LINGO2: variants seen among roughly 807,000 people sequenced by gnomAD.
LINGO2 encodes leucine-rich repeat and immunoglobulin-like domain-containing nogo receptor-interacting protein 2.
Under a neutral mutation model 30.6 loss-of-function variants are expected in LINGO2, and 14 were observed. The ratio of observed to expected loss-of-function variants is 0.46; its 90% CI spans 0.30 to 0.72. LINGO2 has a LOEUF of 0.72. LINGO2 is among the 30% of genes least tolerant of loss of function. LINGO2 has a pLI of 0.07. For synonymous variants in LINGO2, 317 were observed against 288.5 expected (o/e 1.10, Z -1.00); for missense variants, 729 against 751.7 (o/e 0.97, Z 0.35).
intron 4 of LINGO2, among the ~76,000 whole-genome samples, chr9:28,235,918 G>A (rs1821547092): frequency 1.3e-5 from 2 of 152,150 alleles, no homozygotes; most frequent in Admixed American, 1.3e-4. Context: ...TTTATTTAAA[G>A]AGATAATATC....
the LINGO2 span, among the ~76,000 whole-genome samples, chr9:29,006,728 C>T: frequency 1.3e-5 from 2 of 151,988 alleles, no homozygotes; most frequent in Non-Finnish European, 2.9e-5. Context: ...AAATATTCAA[C>T]ATTAAGCATA....
At chr9:28,529,197 G>T (rs1477197124) in intron 1 of LINGO2, among the ~76,000 whole-genome samples, 1 of 152,056 alleles carries the variant, frequency 6.6e-6, no homozygotes, top group East Asian at 1.9e-4. Context: ...ATGGGAAAGT[G>T]AAATAAATAT....
intron 4 of LINGO2, among the ~76,000 whole-genome samples, chr9:28,048,889 A>AG (rs963550376): frequency 4.0e-5 from 6 of 150,898 alleles, no homozygotes; most frequent in African/African-American, 1.5e-4. Flanking sequence ...CAACATATAT[A>AG]GTTATGTTTA....
At chr9:28,943,695 A>G in the LINGO2 span, among the ~76,000 whole-genome samples, 18 of 152,180 alleles carry the variant, frequency 1.2e-4, no homozygotes, top group African/African-American at 4.1e-4. Context: ...AAAAGTAACA[A>G]ACGTATGCAT....
intron 1 of LINGO2, among the ~76,000 whole-genome samples, chr9:28,496,429 T>G (rs1263061233): frequency 1.1e-4 from 17 of 151,356 alleles, no homozygotes; most frequent in Non-Finnish European, 2.4e-4. Context: ...CTTCTTTGTC[T>G]CTTTTGATCT....
the LINGO2 span, among the ~76,000 whole-genome samples, chr9:29,175,596 G>A: frequency 6.8e-6 from 1 of 146,314 alleles, no homozygotes; most frequent in Non-Finnish European, 1.5e-5. Context: ...GAGCGATCTC[G>A]GCTCACTGCA....
the LINGO2 span, among the ~76,000 whole-genome samples, chr9:29,034,487 A>G: frequency 6.6e-6 from 1 of 152,162 alleles, no homozygotes; most frequent in African/African-American, 2.4e-5. Context: ...CAGCTTAAAG[A>G]TAGGAATTGA....
At chr9:28,897,845 C>T in the LINGO2 span, among the ~76,000 whole-genome samples, 3 of 151,978 alleles carry the variant, frequency 2.0e-5, no homozygotes, top group Non-Finnish European at 4.4e-5. Context: ...TTAATAAATA[C>T]TTTTTTAAAA....
At chr9:29,045,863 T>G in the LINGO2 span, among the ~76,000 whole-genome samples, 3 of 152,174 alleles carry the variant, frequency 2.0e-5, no homozygotes, top group African/African-American at 7.2e-5. Flanking sequence ...TTCACCTCCC[T>G]GGTTGGCTAT....
chr9:28,734,615 T>C, the LINGO2 span, among the ~76,000 whole-genome samples: 4 of 152,170 alleles, frequency 2.6e-5, no homozygotes, highest in Non-Finnish European at 4.4e-5. Flanking sequence ...AGCATACAGA[T>C]GCCTTTTTAA....
intron 3 of LINGO2, among the ~76,000 whole-genome samples, chr9:28,322,229 G>A (rs1825069467): frequency 6.6e-6 from 1 of 152,106 alleles, no homozygotes; most frequent in Non-Finnish European, 1.5e-5. Context: ...GAATCCTTCT[G>A]ATCATTTGGA....
upstream of LINGO2, among the ~76,000 whole-genome samples, chr9:28,672,343 G>C (rs1280626387): frequency 6.6e-6 from 1 of 152,094 alleles, no homozygotes; most frequent in African/African-American, 2.4e-5. Flanking sequence ...AATCTGTATA[G>C]TATTCACTTT....
At chr9:28,785,920 A>G in the LINGO2 span, among the ~76,000 whole-genome samples, 3 of 152,186 alleles carry the variant, frequency 2.0e-5, no homozygotes, top group Non-Finnish European at 2.9e-5. Flanking sequence ...AAATTCATAT[A>G]ATTCAATGGG....
intron 1 of LINGO2, among the ~76,000 whole-genome samples, chr9:28,500,745 C>T (rs1819849823): frequency 1.3e-5 from 2 of 151,584 alleles, no homozygotes; most frequent in South Asian, 2.1e-4. Flanking sequence ...ATACAGTATC[C>T]CCAAATGAGA....
chr9:28,278,638 T>C (rs1823215230), intron 4 of LINGO2, among the ~76,000 whole-genome samples: 1 of 152,186 alleles, frequency 6.6e-6, no homozygotes, highest in African/African-American at 2.4e-5. Flanking sequence ...TGTTGAGACC[T>C]ACTGCTCAGA....
chr9:28,177,844 A>G (rs1828790712), intron 4 of LINGO2, among the ~76,000 whole-genome samples: 1 of 152,176 alleles, frequency 6.6e-6, no homozygotes, highest in Non-Finnish European at 1.5e-5. Context: ...ATAGTGGATG[A>G]TTTAGAGGTC....
At chr9:29,165,037 T>A in the LINGO2 span, among the ~76,000 whole-genome samples, 1 of 152,168 alleles carries the variant, frequency 6.6e-6, no homozygotes. Context: ...TCAAAACTTC[T>A]TTTGGTTATT....
At chr9:28,631,728 T>C (rs1826953237) in intron 1 of LINGO2, among the ~76,000 whole-genome samples, 1 of 152,206 alleles carries the variant, frequency 6.6e-6, no homozygotes, top group South Asian at 2.1e-4. Context: ...TGCCGCCTTA[T>C]ACCTATGACA....
chr9:28,779,535 T>C, the LINGO2 span, among the ~76,000 whole-genome samples: 1 of 152,162 alleles, frequency 6.6e-6, no homozygotes, highest in Non-Finnish European at 1.5e-5. Context: ...GATGGCTCAC[T>C]GATTATTTAA....
Sources: gnomAD v4.1 joint callset for allele counts (sites outside exome capture counted in the v4.1 genomes callset) on GRCh38, gnomAD v4.1.1 for gene constraint, MANE v1.5 for transcripts, NCBI Gene and HGNC (gene_info 2026-07-23, HGNC 2026-07-21) for gene names.